PDXDC1: variants seen among roughly 807,000 people sequenced by gnomAD.
PDXDC1 encodes the protein pyridoxal dependent decarboxylase domain containing 1, also known as pyridoxal-dependent decarboxylase domain-containing protein 1.
In PDXDC1, 42 loss-of-function variants were observed where a neutral mutation model predicts 100.1. The ratio of observed to expected loss-of-function variants is 0.42; its 90% CI spans 0.33 to 0.54. The LOEUF (loss-of-function observed/expected upper bound fraction) is 0.54, where lower values mean the gene tolerates loss of function less well. Ranked by LOEUF, PDXDC1 falls within the 20% of genes least tolerant of loss-of-function variation. The pLI, the probability that PDXDC1 is intolerant of heterozygous loss-of-function variation, is 0.10. For synonymous variants in PDXDC1, 260 were observed against 371.7 expected (o/e 0.70, Z 3.46); for missense variants, 636 against 979.2 (o/e 0.65, Z 4.68).
At chr16:14,982,725 C>T (rs1384910705) in intron 1 of PDXDC1, among the ~76,000 whole-genome samples, 1 of 152,284 alleles carries the variant, frequency 6.6e-6, no homozygotes, top group East Asian at 1.9e-4. Flanking sequence ...TCATCCTTGG[C>T]CCATAAGGAA....
intron 16 of PDXDC1, chr16:15,131,351 T>C (rs2048048593): frequency 1.3e-6 from 2 of 1,566,210 alleles, no homozygotes; most frequent in Non-Finnish European, 1.7e-6. Flanking sequence ...GTGTAGTTGC[T>C]GATATAGCCA....
At chr16:15,132,679 G>A in intron 16 of PDXDC1, 1 of 739,598 alleles carries the variant, frequency 1.4e-6, no homozygotes, top group Non-Finnish European at 2.4e-6. Flanking sequence ...CCAGTACCCT[G>A]GCAGGCATGC....
intron 16 of PDXDC1, chr16:15,125,722 G>C (rs768209425): frequency 1.2e-5 from 18 of 1,444,372 alleles, no homozygotes; most frequent in Non-Finnish European, 1.7e-5. Context: ...CGTGAGGAAG[G>C]AGCTGTCCAG....
At chr16:15,112,247 G>A (rs984847856) in intron 16 of PDXDC1, among the ~76,000 whole-genome samples, 7 of 148,558 alleles carry the variant, frequency 4.7e-5, no homozygotes, top group Non-Finnish European at 1.1e-4. Flanking sequence ...TCTTGAGACG[G>A]AGTGTCAGTC....
chr16:15,049,080 G>A (rs891413633), intron 16 of PDXDC1, among the ~76,000 whole-genome samples: 10 of 147,298 alleles, frequency 6.8e-5, no homozygotes, highest in African/African-American at 1.0e-4. Context: ...TTTTTGTAGC[G>A]ACGGGGTCTC....
At chr16:15,019,538 C>T (rs555894223) in intron 12 of PDXDC1, among the ~76,000 whole-genome samples, 109 of 152,384 alleles carry the variant, frequency 7.2e-4, no homozygotes, top group African/African-American at 2.6e-3. Flanking sequence ...AAACAACAGA[C>T]ATTTATTGCT....
chr16:15,041,463 CAAGGGG>C (rs1314826124), downstream of PDXDC1, among the ~76,000 whole-genome samples: 8 of 152,050 alleles, frequency 5.3e-5, no homozygotes, highest in East Asian at 1.9e-4. Context: ...TGGACGAGGG[CAAGGGG>C]AAGGGGAAGG....
intron 1 of PDXDC1, among the ~76,000 whole-genome samples, chr16:14,987,867 C>T (rs1969749176): frequency 6.6e-6 from 1 of 152,290 alleles, no homozygotes; most frequent in African/African-American, 2.4e-5. Context: ...CAACCTTGGT[C>T]TCCCAAAGTG....
At chr16:15,149,583 C>T in the PDXDC1 span, among the ~76,000 whole-genome samples, 7 of 152,266 alleles carry the variant, frequency 4.6e-5, no homozygotes, top group East Asian at 1.4e-3. Context: ...CCGGGGTCTG[C>T]GCCTGCTGTC....
intron 8 of PDXDC1, among the ~76,000 whole-genome samples, chr16:15,012,960 A>G (rs2041449631): frequency 1.3e-5 from 2 of 152,360 alleles, no homozygotes; most frequent in South Asian, 4.1e-4. Flanking sequence ...TTACGAGGTC[A>G]GGAGATCAAG....
chr16:14,982,468 C>G (rs1164455712), intron 1 of PDXDC1, among the ~76,000 whole-genome samples: 2 of 152,228 alleles, frequency 1.3e-5, no homozygotes, highest in Non-Finnish European at 2.9e-5. Context: ...ACTAAAAATA[C>G]AAAAATTAGC....
chr16:15,035,998 T>C lies in PDXDC1; in HGVS notation c.2108-18T>C. 2.5e-6 allele frequency: 4 copies of C among 1,600,344 alleles called. No homozygotes were observed. The highest frequency in any genetic ancestry group is 3.4e-6 in the Non-Finnish European group (4 of 1,173,342). On this transcript the variant is annotated intron_variant, in intron 22 of 22. Coordinates refer to ENST00000396410, the MANE Select transcript of PDXDC1 (RefSeq NM_015027.4). ...ATCCTCACTGAGTTTCAGCGCAGTC[T>C]GTCTGCCCTTTCTGTAGGCCAGAAG... is the stretch of plus-strand genomic sequence containing the variant.
chr16:15,084,211 A>G (rs886630442), intron 16 of PDXDC1, among the ~76,000 whole-genome samples: 2 of 152,076 alleles, frequency 1.3e-5, no homozygotes, highest in African/African-American at 2.4e-5. Flanking sequence ...ATCAAGTTGG[A>G]TTTTTTTTAA....
At chr16:14,979,249 C>T (rs1288919079) in intron 1 of PDXDC1, among the ~76,000 whole-genome samples, 1 of 152,280 alleles carries the variant, frequency 6.6e-6, no homozygotes, top group Non-Finnish European at 1.5e-5. Flanking sequence ...GGAACATTTC[C>T]ATCGCAAAGA....
At chr16:15,045,562 A>C (rs193115265) in intron 16 of PDXDC1, 5 of 152,338 alleles carry the variant, frequency 3.3e-5, no homozygotes, top group African/African-American at 1.2e-4. Context: ...GCTTCAGCCC[A>C]GAAGTTTGAG....
At chr16:15,017,672 A>G (rs1331779848) in intron 11 of PDXDC1, among the ~76,000 whole-genome samples, 1 of 152,284 alleles carries the variant, frequency 6.6e-6, no homozygotes, top group African/African-American at 2.4e-5. Flanking sequence ...TACTGAAATA[A>G]TGAAGCAGTG....
upstream of PDXDC1, chr16:14,974,772 C>T (rs1199861619): frequency 6.5e-7 from 1 of 1,535,462 alleles, no homozygotes; most frequent in South Asian, 1.2e-5. Flanking sequence ...GGAGGTGAGG[C>T]GGGAGACTTG....
chr16:14,982,843 G>A (rs1442673104), intron 1 of PDXDC1, among the ~76,000 whole-genome samples: 32 of 152,214 alleles, frequency 2.1e-4, no homozygotes, highest in Non-Finnish European at 3.5e-4. Flanking sequence ...GTTTGTTTTC[G>A]CCTGGGAGGA....
chr16:15,087,015 A>T (rs1236527246), intron 16 of PDXDC1, among the ~76,000 whole-genome samples: 5 of 152,258 alleles, frequency 3.3e-5, no homozygotes, highest in African/African-American at 1.2e-4. Context: ...CAATCAAATT[A>T]CTGTTCATAG....
Sources: gnomAD v4.1 joint callset for allele counts (sites outside exome capture counted in the v4.1 genomes callset) on GRCh38, gnomAD v4.1.1 for gene constraint, MANE v1.5 for transcripts, NCBI Gene and HGNC (gene_info 2026-07-23, HGNC 2026-07-21) for gene names.